ATP8A1: variants seen among roughly 807,000 people sequenced by gnomAD.
ATP8A1 encodes phospholipid-transporting ATPase IA.
ATP8A1 carries 90 observed loss-of-function variants against 177.7 expected under a neutral mutation model. The observed-to-expected ratio is 0.51, with a 90% CI of 0.43 to 0.60. The LOEUF is 0.60. ATP8A1 is among the 20% of genes least tolerant of loss of function. The pLI is 0.00. For synonymous variants in ATP8A1, 493 were observed against 485.9 expected (o/e 1.01, Z -0.19); for missense variants, 1,072 against 1,392.8 (o/e 0.77, Z 3.67).
At chr4:42,543,789 AAC>A (rs1452824068) in intron 20 of ATP8A1, 126 bp downstream of exon 20, 1 of 653,018 alleles carries the variant, frequency 1.5e-6, no homozygotes, top group Non-Finnish European at 2.5e-6. Context: ...ATTACTATAA[AAC>A]ACCAACAAAA....
intron 22 of ATP8A1, among the ~76,000 whole-genome samples, chr4:42,514,172 TTGG>T (rs1193013064): frequency 6.6e-6 from 1 of 152,218 alleles, no homozygotes; most frequent in Non-Finnish European, 1.5e-5. Flanking sequence ...AGATTTTAAC[TTGG>T]TGCTTTTCAA....
At chr4:42,473,541 T>A (rs1720702279) in intron 25 of ATP8A1, among the ~76,000 whole-genome samples, 1 of 152,206 alleles carries the variant, frequency 6.6e-6, no homozygotes, top group Non-Finnish European at 1.5e-5. Context: ...TCCATTCCCT[T>A]CCCATTCCCA....
chr4:42,595,017 C>G (rs1404571887), intron 6 of ATP8A1, among the ~76,000 whole-genome samples: 1 of 152,112 alleles, frequency 6.6e-6, no homozygotes, highest in African/African-American at 2.4e-5. Flanking sequence ...AAACTGATAG[C>G]AGTCATTTAA....
chr4:42,637,414 T>G (rs1739509025), intron 1 of ATP8A1, among the ~76,000 whole-genome samples: 2 of 152,342 alleles, frequency 1.3e-5, no homozygotes, highest in South Asian at 4.1e-4. Context: ...CTCTTGTTCA[T>G]GCAACTGTGA....
chr4:42,602,714 A>G (rs984227490), intron 5 of ATP8A1, among the ~76,000 whole-genome samples: 2 of 152,194 alleles, frequency 1.3e-5, no homozygotes, highest in Non-Finnish European at 2.9e-5. Context: ...GGTTGCAGTG[A>G]GCCAAGATGA....
intron 20 of ATP8A1, among the ~76,000 whole-genome samples, chr4:42,530,910 CT>C (rs1288203158): frequency 6.6e-6 from 1 of 152,200 alleles, no homozygotes; most frequent in Non-Finnish European, 1.5e-5. Flanking sequence ...CTTCCTGTTC[CT>C]GCGACATTAT....
intron 30 of ATP8A1, among the ~76,000 whole-genome samples, chr4:42,448,475 G>A (rs1717549670): frequency 7.4e-6 from 1 of 134,892 alleles, no homozygotes; most frequent in Non-Finnish European, 1.5e-5. Context: ...TCAGCTCACC[G>A]CAACCTCCAC....
chr4:42,627,476 T>C (rs527869628), intron 1 of ATP8A1, among the ~76,000 whole-genome samples: 4 of 152,352 alleles, frequency 2.6e-5, no homozygotes, highest in South Asian at 2.1e-4. Context: ...ATTTAAAATA[T>C]AGTCAAAAAT....
At chr4:42,613,645 G>C (rs560551257) in intron 5 of ATP8A1, among the ~76,000 whole-genome samples, 1 of 151,696 alleles carries the variant, frequency 6.6e-6, no homozygotes, top group Admixed American at 6.6e-5. Context: ...GTGCAGTGGC[G>C]CGGTCTTGGC....
chr4:42,607,252 C>T (rs891015560), intron 5 of ATP8A1, among the ~76,000 whole-genome samples: 1 of 152,138 alleles, frequency 6.6e-6, no homozygotes, highest in Non-Finnish European at 1.5e-5. Flanking sequence ...AAAGGAAATA[C>T]ACAAACTTGA....
intron 8 of ATP8A1, among the ~76,000 whole-genome samples, chr4:42,587,947 TTGAACCAGG>T (rs1157173213): frequency 6.6e-6 from 1 of 152,206 alleles, no homozygotes; most frequent in African/African-American, 2.4e-5. Flanking sequence ...AAATTATAAT[TTGAACCAGG>T]TGAATAGGAA....
intron 5 of ATP8A1, among the ~76,000 whole-genome samples, chr4:42,608,828 T>C (rs1313510397): frequency 6.6e-6 from 1 of 152,192 alleles, no homozygotes; most frequent in African/African-American, 2.4e-5. Context: ...GCTGAGACTA[T>C]GGCTTTGACT....
At chr4:42,438,987 A>G (rs1243177106) in intron 33 of ATP8A1, among the ~76,000 whole-genome samples, 2 of 152,144 alleles carry the variant, frequency 1.3e-5, no homozygotes, top group East Asian at 3.9e-4. Context: ...TTTTCTTTCA[A>G]CACATTGAGA....
chr4:42,653,726 T>A (rs930831684), intron 1 of ATP8A1, among the ~76,000 whole-genome samples: 1 of 152,200 alleles, frequency 6.6e-6, no homozygotes, highest in Non-Finnish European at 1.5e-5. Flanking sequence ...TTAGATTCAA[T>A]GAACTCTAAG....
At chr4:42,509,818 C>T (rs948757195) in intron 22 of ATP8A1, among the ~76,000 whole-genome samples, 2 of 144,484 alleles carry the variant, frequency 1.4e-5, no homozygotes, top group Admixed American at 7.2e-5. Context: ...AGCCACTGCA[C>T]TCCAGCCTGG....
At chr4:42,607,327 T>TA (rs376805804) in intron 5 of ATP8A1, among the ~76,000 whole-genome samples, 1 of 151,808 alleles carries the variant, frequency 6.6e-6, no homozygotes, top group Non-Finnish European at 1.5e-5. Context: ...GCTCACAACA[T>TA]AAAAAAAAGT....
intron 20 of ATP8A1, among the ~76,000 whole-genome samples, chr4:42,532,519 T>C (rs543816354): frequency 9.2e-5 from 14 of 151,534 alleles, no homozygotes; most frequent in East Asian, 1.9e-4. Context: ...ACAAAAAAAA[T>C]AGAAAACATC....
chr4:42,415,457 A>G (rs1418822585), intron 35 of ATP8A1, among the ~76,000 whole-genome samples: 1 of 138,226 alleles, frequency 7.2e-6, no homozygotes, highest in Non-Finnish European at 1.6e-5. Context: ...TTCTCCCCCA[A>G]CTTCCCATAA....
intron 24 of ATP8A1, among the ~76,000 whole-genome samples, chr4:42,487,982 C>T (rs549016918): frequency 1.2e-4 from 19 of 152,228 alleles, no homozygotes; most frequent in African/African-American, 4.6e-4. Flanking sequence ...TTTTAATTTA[C>T]AAGCCTCACC....
Sources: gnomAD v4.1 joint callset for allele counts (sites outside exome capture counted in the v4.1 genomes callset) on GRCh38, gnomAD v4.1.1 for gene constraint, MANE v1.5 for transcripts, NCBI Gene and HGNC (gene_info 2026-07-23, HGNC 2026-07-21) for gene names.